The following ZNF503 variants were observed in gnomAD, a reference collection of about 807,000 sequenced individuals.
ZNF503 encodes NocA-like zinc finger 2.
Under a neutral mutation model 34.4 loss-of-function variants are expected in ZNF503, and 15 were observed. The ratio of observed to expected loss-of-function variants is 0.44; its 90% CI spans 0.29 to 0.67. The LOEUF is 0.67. ZNF503 is among the 30% of genes least tolerant of loss of function. The pLI is 0.13. For missense variants in ZNF503, 1,007 were observed against 926.8 expected (o/e 1.09, Z -1.12); for synonymous variants, 580 against 456.8 (o/e 1.27, Z -3.44).
At chr10:75,333,593 C>A in the ZNF503 span, among the ~76,000 whole-genome samples, 1 of 91,836 alleles carries the variant, frequency 1.1e-5, no homozygotes, top group Non-Finnish European at 2.2e-5. Flanking sequence ...GGGCTGACCC[C>A]CCCACCTTCC....
At chr10:75,389,599 G>A in the ZNF503 span, among the ~76,000 whole-genome samples, 3 of 152,216 alleles carry the variant, frequency 2.0e-5, no homozygotes, top group African/African-American at 7.2e-5. Context: ...ATGTGGTGGC[G>A]CATGCCTGTA....
chr10:75,356,791 G>A, the ZNF503 span, among the ~76,000 whole-genome samples: 1 of 152,142 alleles, frequency 6.6e-6, no homozygotes, highest in African/African-American at 2.4e-5. Flanking sequence ...ATTCTCTCCA[G>A]CCTCCTGGGA....
At chr10:75,376,560 C>T in the ZNF503 span, among the ~76,000 whole-genome samples, 10 of 152,148 alleles carry the variant, frequency 6.6e-5, no homozygotes, top group South Asian at 1.5e-3. Context: ...ATGAGAATTG[C>T]TTGAACCTGG....
the ZNF503 span, among the ~76,000 whole-genome samples, chr10:75,324,678 A>G: frequency 6.6e-6 from 1 of 152,194 alleles, no homozygotes; most frequent in African/African-American, 2.4e-5. Context: ...TTTTATTGAG[A>G]TATAATTCAC....
chr10:75,401,603 C>T lies in ZNF503; in HGVS notation c.-184G>A, dbSNP rs544944962. 3.7e-3 allele frequency: 2,633 copies of T among 704,594 alleles called. 14 individuals carry two copies. The highest frequency in any genetic ancestry group is 8.0e-3 in the Middle Eastern group (21 of 2,638). The allele number at this position is 704,594 out of a possible 1,614,324, so 43.6% of individuals were successfully genotyped here. A position where few individuals can be genotyped will look rare whatever the true frequency, so the allele number is the denominator to read the frequency against. ...CAGACGCGAGTAATCCTGGGTGGCC[C>T]GCAGCGGAGCCGTGGCCGGGCTAGA... On this transcript the variant is annotated 5_prime_UTR_variant, in exon 1 of 2. Coordinates refer to ENST00000372524, the MANE Select transcript of ZNF503 (RefSeq NM_032772.6).
chr10:75,373,970 C>A, the ZNF503 span, among the ~76,000 whole-genome samples: 1 of 152,180 alleles, frequency 6.6e-6, no homozygotes, highest in Non-Finnish European at 1.5e-5. Flanking sequence ...CTTTGGCTCT[C>A]CACAGTGACT....
the ZNF503 span, among the ~76,000 whole-genome samples, chr10:75,281,187 G>C: frequency 6.6e-6 from 1 of 152,124 alleles, no homozygotes. Flanking sequence ...AGGAATATGG[G>C]AAGCCACTGG....
chr10:75,307,628 A>T, the ZNF503 span, among the ~76,000 whole-genome samples: 22 of 152,354 alleles, frequency 1.4e-4, no homozygotes, highest in East Asian at 4.0e-3. Context: ...ATGGAAGAAG[A>T]TGTCATTTAG....
chr10:75,308,864 G>A, the ZNF503 span, among the ~76,000 whole-genome samples: 1 of 151,852 alleles, frequency 6.6e-6, no homozygotes, highest in African/African-American at 2.4e-5. Context: ...TTTTTGAGAT[G>A]GGGGTCTCAC....
chr10:75,316,853 T>G, the ZNF503 span, among the ~76,000 whole-genome samples: 1 of 152,190 alleles, frequency 6.6e-6, no homozygotes, highest in African/African-American at 2.4e-5. Context: ...TTAAAATATC[T>G]TGAGACAAAT....
chr10:75,397,479 A>C (rs187604032), downstream of ZNF503, among the ~76,000 whole-genome samples: 1,353 of 152,250 alleles, frequency 8.9e-3, 16 homozygotes, highest in South Asian at 0.06. Flanking sequence ...AACGAAACCC[A>C]AATGCCCAAA....
the ZNF503 span, among the ~76,000 whole-genome samples, chr10:75,309,898 C>T: frequency 5.3e-5 from 8 of 152,016 alleles, no homozygotes; most frequent in African/African-American, 7.2e-5. Flanking sequence ...TAATTCATTT[C>T]GAGTTAACTT....
downstream of ZNF503, among the ~76,000 whole-genome samples, chr10:75,393,454 G>A (rs1455521566): frequency 6.6e-6 from 1 of 152,188 alleles, no homozygotes. Flanking sequence ...TGAGTTGGAG[G>A]GGGTAGCGAG....
At chr10:75,332,683 G>C in the ZNF503 span, among the ~76,000 whole-genome samples, 3 of 147,476 alleles carry the variant, frequency 2.0e-5, no homozygotes, top group African/African-American at 5.1e-5. Flanking sequence ...GACTCTTAAC[G>C]AGCATGCTGC....
At chr10:75,393,848 G>C (rs912690917), downstream of ZNF503, among the ~76,000 whole-genome samples, 14 of 151,850 alleles carry the variant, frequency 9.2e-5, no homozygotes, top group Non-Finnish European at 2.1e-4. Flanking sequence ...GACAGAGCGA[G>C]ACTCTGTCTC....
the ZNF503 span, among the ~76,000 whole-genome samples, chr10:75,310,078 C>T: frequency 6.6e-6 from 1 of 152,142 alleles, no homozygotes; most frequent in Non-Finnish European, 1.5e-5. Flanking sequence ...TTTATGAATA[C>T]AGTGCTCTAA....
the ZNF503 span, among the ~76,000 whole-genome samples, chr10:75,384,770 C>G: frequency 6.6e-6 from 1 of 152,212 alleles, no homozygotes; most frequent in Non-Finnish European, 1.5e-5. Flanking sequence ...GCCACATTCC[C>G]TCTTGAGCCA....
chr10:75,396,187 C>T (rs528116687), downstream of ZNF503, among the ~76,000 whole-genome samples: 2 of 152,298 alleles, frequency 1.3e-5, no homozygotes, highest in Non-Finnish European at 2.9e-5. The surrounding 1 kb of genome is among the most constrained non-coding windows in gnomAD (Gnocchi z 4.4). Flanking sequence ...GCGACAAGCC[C>T]GCCGGCCAGG....
At chr10:75,282,929 C>T in the ZNF503 span, among the ~76,000 whole-genome samples, 1 of 152,254 alleles carries the variant, frequency 6.6e-6, no homozygotes, top group Non-Finnish European at 1.5e-5. Flanking sequence ...TCACACAGAA[C>T]TGCCCCTCCA....
Sources: gnomAD v4.1 joint callset for allele counts (sites outside exome capture counted in the v4.1 genomes callset) on GRCh38, gnomAD v4.1.1 for gene constraint, Gnocchi (gnomAD v3.1) non-coding constraint, MANE v1.5 for transcripts, NCBI Gene and HGNC (gene_info 2026-07-23, HGNC 2026-07-21) for gene names.